Variants in YTHDC2 observed in about 807,000 individuals in gnomAD.
YTHDC2 encodes 3'-5' RNA helicase YTHDC2.
Under a neutral mutation model 174.9 loss-of-function variants are expected in YTHDC2, and 45 were observed. The observed-to-expected ratio is 0.26, with a 90% confidence interval of 0.20 to 0.33. The LOEUF (loss-of-function observed/expected upper bound fraction) is 0.33. Ranked by LOEUF, YTHDC2 falls within the 10% of genes least tolerant of loss-of-function variation. The pLI, the probability that YTHDC2 is intolerant of heterozygous loss-of-function variation, is 1.00. For synonymous variants in YTHDC2, 657 were observed against 574.5 expected (o/e 1.14, Z -2.05); for missense variants, 1,650 against 1,723.7 (o/e 0.96, Z 0.76).
chr5:113,553,752 T>G lies in YTHDC2; in HGVS notation c.1965-15T>G. ...ACAGGTCTTATAGTATGTTTTCTCTTTCAATTGTCTGCAGATACCAAGTCT... is the reference window on the plus strand; with the variant it reads ...ACAGGTCTTATAGTATGTTTTCTCTGTCAATTGTCTGCAGATACCAAGTCT... On this transcript the variant is annotated splice_polypyrimidine_tract_variant and intron_variant, in intron 14 of 29. Coordinates refer to ENST00000161863, the MANE Select transcript of YTHDC2 (RefSeq NM_022828.5). The G allele has an allele frequency of 6.2e-7, 1 of 1,612,306 alleles. No homozygotes were observed. Among genetic ancestry groups the G allele is most frequent in the Non-Finnish European group, 8.5e-7 (1 of 1,179,306 alleles).
chr5:113,563,233 A>G, intron 18 of YTHDC2, 140 bp from the exon 19 acceptor site: 1 of 657,440 alleles, frequency 1.5e-6, no homozygotes, highest in Non-Finnish European at 2.3e-6. Context: ...TTACAGAAAG[A>G]CATTGTTCCT....
At chr5:113,547,612 C>G (rs902474178) in intron 10 of YTHDC2, among the ~76,000 whole-genome samples, 2 of 151,776 alleles carry the variant, frequency 1.3e-5, no homozygotes, top group Non-Finnish European at 1.5e-5. Context: ...ATGGGATATA[C>G]TTTTTATTTT....
chr5:113,535,209 C>G (rs1286118748), intron 6 of YTHDC2, among the ~76,000 whole-genome samples: 1 of 152,110 alleles, frequency 6.6e-6, no homozygotes, highest in Non-Finnish European at 1.5e-5. Context: ...TGAACATGTA[C>G]AGACTTTTCT....
At position 113,584,329 on chromosome 5, in the gene YTHDC2, A is replaced by G. The variant is rs753564709; in HGVS notation, c.3675A>G (p.Ala1225=). 1 of 1,613,400 alleles carries G rather than the reference A, an allele frequency of 6.2e-7. No individual in the cohort carries two copies. The highest frequency in any genetic ancestry group is 8.5e-7 in the Non-Finnish European group (1 of 1,179,628). The change falls in exon 26 of 30, where the codon GCA becomes GCG. Residue 1225 remains alanine, a synonymous_variant. Transcript: ENST00000161863. ...TACTGATGAAATCTCCATCTCCAGCATTACACCCACCTCAGAAGTACAAAG... is the reference window on the plus strand; with the variant it reads ...TACTGATGAAATCTCCATCTCCAGCGTTACACCCACCTCAGAAGTACAAAG... The part of the protein sequence containing the change: ...ERVLMKSPSP[A]LHPPQKYKDR...
At chr5:113,527,646 A>T (rs577428076) in intron 4 of YTHDC2, among the ~76,000 whole-genome samples, 179 of 152,334 alleles carry the variant, frequency 1.2e-3, no homozygotes, top group African/African-American at 3.7e-3. Context: ...TATAAACTTT[A>T]CCAGTTTTTT....
intron 12 of YTHDC2, among the ~76,000 whole-genome samples, chr5:113,550,670 A>G (rs1776194856): frequency 6.6e-6 from 1 of 152,140 alleles, no homozygotes; most frequent in African/African-American, 2.4e-5. Flanking sequence ...CAAATACTAA[A>G]AAGGAATGGC....
intron 6 of YTHDC2, among the ~76,000 whole-genome samples, chr5:113,535,416 A>G (rs1774986249): frequency 6.6e-6 from 1 of 151,996 alleles, no homozygotes; most frequent in Admixed American, 6.5e-5. Flanking sequence ...CCCTGGAACC[A>G]TTCACCCACA....
At chr5:113,564,233 A>C in intron 20 of YTHDC2, 102 bp downstream of exon 20, 1 of 1,291,284 alleles carries the variant, frequency 7.7e-7, no homozygotes, top group East Asian at 2.6e-5. Context: ...TTAAAATTGC[A>C]TTAATTTTGT....
At chr5:113,560,544 A>T (rs536550119) in intron 17 of YTHDC2, among the ~76,000 whole-genome samples, 23 of 152,202 alleles carry the variant, frequency 1.5e-4, no homozygotes, top group Non-Finnish European at 3.2e-4. Context: ...CCCTAAGCAT[A>T]GCTAGCCCTG....
intron 4 of YTHDC2, among the ~76,000 whole-genome samples, chr5:113,532,262 G>A (rs1774726108): frequency 6.6e-6 from 1 of 152,066 alleles, no homozygotes; most frequent in Admixed American, 6.6e-5. Context: ...AATATTCTGG[G>A]TTGTGTAAAA....
intron 1 of YTHDC2, among the ~76,000 whole-genome samples, chr5:113,515,024 G>C (rs1025263538): frequency 2.0e-5 from 3 of 151,426 alleles, no homozygotes; most frequent in African/African-American, 7.3e-5. Context: ...ATCACATTTA[G>C]GTTTAATACA....
chr5:113,579,990 G>C (rs1386803495), intron 24 of YTHDC2: 8 of 957,508 alleles, frequency 8.4e-6, no homozygotes, highest in Admixed American at 6.2e-5. Flanking sequence ...AGTTCTGAAG[G>C]ATCTTAAGTC....
At chr5:113,533,070 C>A in intron 5 of YTHDC2, 25 bp downstream of exon 5, 1 of 1,610,784 alleles carries the variant, frequency 6.2e-7, no homozygotes. Context: ...CATGTATCTT[C>A]TCTTTTATCA....
chr5:113,590,231 A>C (rs1778935106), intron 26 of YTHDC2, among the ~76,000 whole-genome samples: 1 of 152,202 alleles, frequency 6.6e-6, no homozygotes, highest in African/African-American at 2.4e-5. Flanking sequence ...TGCACAGTTT[A>C]GTTGCAATCA....
chr5:113,588,685 C>T (rs959213519), intron 26 of YTHDC2, among the ~76,000 whole-genome samples: 4 of 151,632 alleles, frequency 2.6e-5, no homozygotes, highest in South Asian at 2.1e-4. Flanking sequence ...TGCAGTGGCG[C>T]GATCTCGGCT....
At chr5:113,535,851 G>C (rs1775020513) in intron 7 of YTHDC2, 53 bp downstream of exon 7, 5 of 1,441,616 alleles carry the variant, frequency 3.5e-6, no homozygotes, top group Non-Finnish European at 4.7e-6. Context: ...AACACTTTTG[G>C]ACATTATTTA....
At chr5:113,525,680 G>A (rs903794946) in intron 3 of YTHDC2, among the ~76,000 whole-genome samples, 4 of 152,156 alleles carry the variant, frequency 2.6e-5, no homozygotes, top group African/African-American at 7.2e-5. Flanking sequence ...GTAAGAGATT[G>A]GACAGAGTCT....
intron 23 of YTHDC2, among the ~76,000 whole-genome samples, chr5:113,568,517 C>T (rs770158300): frequency 6.6e-6 from 1 of 152,088 alleles, no homozygotes. Context: ...GATGTTCTCC[C>T]TACCCTCTAC....
intron 3 of YTHDC2, among the ~76,000 whole-genome samples, chr5:113,525,469 A>G (rs1774150078): frequency 6.6e-6 from 1 of 152,082 alleles, no homozygotes; most frequent in South Asian, 2.1e-4. Flanking sequence ...GGGGCCTCCT[A>G]GCAACCTTTG....
Sources: allele counts gnomAD v4.1 joint callset (sites outside exome capture counted in the v4.1 genomes callset), GRCh38; gene constraint gnomAD v4.1.1; transcripts MANE v1.5; gene names NCBI Gene and HGNC (gene_info 2026-07-23, HGNC 2026-07-21).